The following OXNAD1 variants were observed in gnomAD, a reference collection of about 807,000 sequenced individuals.
OXNAD1 encodes the protein oxidoreductase NAD binding domain containing 1.
In OXNAD1, 34 loss-of-function variants were observed where a neutral mutation model predicts 32.9. The observed-to-expected ratio is 1.03, with a 90% CI of 0.79 to 1.38. The LOEUF is 1.38. Among genes scored for constraint, OXNAD1 ranks in the 40% most tolerant of loss-of-function variants. The probability of loss-of-function intolerance (pLI) is 0.00; values close to 1 mark genes in which losing one functional copy is unlikely to be tolerated. For synonymous variants in OXNAD1, 134 were observed against 135.2 expected, an observed-to-expected ratio of 0.99 and a Z score of 0.06; for missense variants, 407 against 379.4, an observed-to-expected ratio of 1.07 and a Z score of -0.60.
In OXNAD1 at chr3:16,303,185, G is replaced by A. The variant is rs192394332; in HGVS notation, c.785-223G>A. The stretch of plus-strand genomic sequence containing the variant: ...TGGCCCTTTCTGCAGAGTGCATTAC[G>A]ATGAGCTTCCCACTTTGCTTGCTTA... On this transcript the variant is annotated intron_variant, in intron 8 of 8. Coordinates refer to ENST00000285083, the MANE Select transcript of OXNAD1 (RefSeq NM_138381.5). The surrounding 1 kb of genome is among the most constrained non-coding windows in gnomAD (Gnocchi z 4.8). Among the ~76,000 whole-genome samples, 11 of 152,250 alleles carry A rather than the reference G, an allele frequency of 7.2e-5. No individual in the cohort carries two copies. In the East Asian group the frequency reaches 7.7e-4, roughly 11 times the overall value.
In OXNAD1 at chr3:16,314,784, A is replaced by G. The variant is rs2068220261; in HGVS notation, c.*30+11192A>G. The stretch of plus-strand genomic sequence containing the variant: ...AAATGTACCCAAAGCTGAGCAATGT[A>G]AGGCCCTCTAGCCTGGAACCGTTTG... On this transcript the variant is annotated intron_variant, in intron 9 of 9. Coordinates refer to the OXNAD1 transcript ENST00000435829. This position sits in a 1 kb window ranked among gnomAD's most constrained non-coding sequence, Gnocchi z 4.4. 1.3e-5 allele frequency: 2 copies of G among 152,234 alleles called. No homozygotes were observed. Among genetic ancestry groups the G allele is most frequent in the South Asian group, 2.1e-4 (1 of 4,828 alleles). The allele number at this position is 152,234 out of a possible 1,614,324, so 9.4% of individuals were successfully genotyped here. A position where few individuals can be genotyped will look rare whatever the true frequency, so the allele number is the denominator to read the frequency against.
Position 16,269,205 on chromosome 3 carries a change from C to T in OXNAD1, c.-79C>T. On this transcript the variant is annotated 5_prime_UTR_variant, in exon 2 of 9. Coordinates refer to ENST00000285083, the MANE Select transcript of OXNAD1 (RefSeq NM_138381.5). ...ACATCCAAAAGTCTCAGTGTAATAG[C>T]AGGACCAAAATATTCTGTCAATCAG... 1 of 1,533,518 alleles carries T rather than the reference C, an allele frequency of 6.5e-7. No homozygotes were observed. Among genetic ancestry groups the T allele is most frequent in the Non-Finnish European group, 8.7e-7 (1 of 1,146,150 alleles). 95.0% of individuals were successfully genotyped at this position (1,533,518 alleles called of 1,614,324 possible). A position where few individuals can be genotyped will look rare whatever the true frequency, so the allele number is the denominator to read the frequency against.
In OXNAD1 at chr3:16,302,387, A is replaced by G. The variant is rs2067245691; in HGVS notation, c.676-253A>G. 6.6e-6 allele frequency among the ~76,000 whole-genome samples: 1 copy of G among 152,230 alleles called. No individual in the cohort carries two copies. Among genetic ancestry groups the G allele is most frequent in the South Asian group, 2.1e-4 (1 of 4,834 alleles). The stretch of plus-strand genomic sequence containing the variant: ...TGCTGCTTAATTGCCAATGCTTGAG[A>G]AAAAGGAAAAAGAAAAAACTCCCGG... On this transcript the variant is annotated intron_variant, in intron 7 of 8. Coordinates refer to ENST00000285083, the MANE Select transcript of OXNAD1 (RefSeq NM_138381.5). This position sits in a 1 kb window ranked among gnomAD's most constrained non-coding sequence, Gnocchi z 4.2.
chr3:16,326,539 A>T (rs2069710972), intron 9 of OXNAD1, among the ~76,000 whole-genome samples: 1 of 152,194 alleles, frequency 6.6e-6, no homozygotes, highest in Non-Finnish European at 1.5e-5. Context: ...CATTCTGGGC[A>T]GTAATGACTC....
At position 16,329,268 on chromosome 3, in the gene OXNAD1, T is replaced by G. The variant is rs149090257; in HGVS notation, c.*31-7844T>G. ...CCAGGACCAGGAGCCAAGAACTGTCTGTCCTTTATAAATTGCCTGATCTCA... is the reference window on the plus strand; with the variant it reads ...CCAGGACCAGGAGCCAAGAACTGTCGGTCCTTTATAAATTGCCTGATCTCA... On this transcript the variant is annotated intron_variant, in intron 9 of 9. Transcript: ENST00000435829. The surrounding 1 kb of genome is among the most constrained non-coding windows in gnomAD (Gnocchi z 4.5). 6.6e-6 allele frequency among the ~76,000 whole-genome samples: 1 copy of G among 152,204 alleles called. No individual in the cohort carries two copies. The highest frequency in any genetic ancestry group is 6.5e-5 in the Admixed American group (1 of 15,282).
rs1045628947 is a variant in OXNAD1 at position 16,299,643 on chromosome 3, A to G, written c.433-1983A>G. Reference sequence around the variant, plus strand: ...CAGAGACCAAATTAAATTCATGTCCAGAAGTACCTACTGCTCACCTGACAT... The same window carrying G: ...CAGAGACCAAATTAAATTCATGTCCGGAAGTACCTACTGCTCACCTGACAT... On this transcript the variant is annotated intron_variant, in intron 6 of 8. Transcript: ENST00000285083. This position sits in a 1 kb window ranked among gnomAD's most constrained non-coding sequence, Gnocchi z 4.4. 2.0e-5 allele frequency among the ~76,000 whole-genome samples: 3 copies of G among 152,230 alleles called. No individual in the cohort carries two copies. Among genetic ancestry groups the G allele is most frequent in the Non-Finnish European group, 2.9e-5 (2 of 68,038 alleles).
Position 16,303,860 on chromosome 3 carries a change from CA to C in OXNAD1, c.*306del, listed in dbSNP as rs1015906101. 72 of 196,890 alleles carry C rather than the reference CA, an allele frequency of 3.7e-4. No individual in the cohort carries two copies. Among genetic ancestry groups the C allele is most frequent in the Middle Eastern group, 3.7e-3 (2 of 546 alleles). 12.2% of individuals were successfully genotyped at this position (196,890 alleles called of 1,614,324 possible). A position where few individuals can be genotyped will look rare whatever the true frequency, so the allele number is the denominator to read the frequency against. ...TATAGATTTTTCTTTTGTCTTTAGG[CA>C]AAAAAAAGATATATACTTATGTCTA... On this transcript the variant is annotated 3_prime_UTR_variant, in exon 9 of 9. Coordinates refer to ENST00000285083, the MANE Select transcript of OXNAD1 (RefSeq NM_138381.5). This position sits in a 1 kb window ranked among gnomAD's most constrained non-coding sequence, Gnocchi z 4.8.
intron 4 of OXNAD1, among the ~76,000 whole-genome samples, chr3:16,283,014 G>T (rs1365496244): frequency 6.6e-6 from 1 of 151,996 alleles, no homozygotes; most frequent in Non-Finnish European, 1.5e-5. Context: ...GTGATGGCAA[G>T]TAGGCAAGGG....
chr3:16,316,946 G>C lies in OXNAD1; in HGVS notation c.*30+13354G>C, dbSNP rs1348553926. 6.2e-7 allele frequency: 1 copy of C among 1,613,896 alleles called. No individual in the cohort carries two copies. The highest frequency in any genetic ancestry group is 2.2e-5 in the East Asian group (1 of 44,842). On this transcript the variant is annotated intron_variant, in intron 9 of 9. Coordinates refer to the OXNAD1 transcript ENST00000435829. The surrounding 1 kb of genome is among the most constrained non-coding windows in gnomAD (Gnocchi z 4.5). ...CACCAGGGCCCTGCTGTGGCTGGCA[G>C]GACCATTCTGCACAGCCTCACCCTC...
intron 9 of OXNAD1, among the ~76,000 whole-genome samples, chr3:16,324,684 G>GTGTGTA: frequency 1.8e-5 from 2 of 112,038 alleles, no homozygotes; most frequent in South Asian, 6.0e-4. Context: ...GTGTGTGTGT[G>GTGTGTA]TATTTTATAT....
Position 16,345,786 on chromosome 3 carries a change from C to CTGTGTG in OXNAD1, c.*31-3389_*31-3388insGTGTGT, listed in dbSNP as rs1553726059. On this transcript the variant is annotated intron_variant, in intron 9 of 9. Coordinates refer to the OXNAD1 transcript ENST00000606098. This position sits in a 1 kb window ranked among gnomAD's most constrained non-coding sequence, Gnocchi z 5.2. ...CATGAGCCAAAACCTTATAATAAAT[C>CTGTGTG]TCTGTGTGTGTGTGTGTGTGTGTGT... Among the ~76,000 whole-genome samples the CTGTGTG allele has an allele frequency of 9.8e-5, 8 of 81,550 alleles. No individual in the cohort carries two copies. Among genetic ancestry groups the CTGTGTG allele is most frequent in the African/African-American group, 3.2e-4 (6 of 18,504 alleles). The allele number at this position is 81,550 out of a possible 152,430, so 53.5% of individuals were successfully genotyped here.
downstream of OXNAD1, among the ~76,000 whole-genome samples, chr3:16,351,706 T>G (rs1415078594): frequency 6.6e-6 from 1 of 152,198 alleles, no homozygotes; most frequent in African/African-American, 2.4e-5. This position sits in a 1 kb window ranked among gnomAD's most constrained non-coding sequence, Gnocchi z 5.4. Flanking sequence ...CCCATTATCC[T>G]AATTACATGT....
chr3:16,285,623 A>G (rs1414780275), intron 4 of OXNAD1, among the ~76,000 whole-genome samples: 1 of 152,252 alleles, frequency 6.6e-6, no homozygotes, highest in East Asian at 1.9e-4. Context: ...AACCTATTCA[A>G]GGCTTTCCAG....
downstream of OXNAD1, among the ~76,000 whole-genome samples, chr3:16,341,213 A>C (rs745897543): frequency 1.2e-4 from 18 of 152,240 alleles, no homozygotes; most frequent in Non-Finnish European, 2.2e-4. This position sits in a 1 kb window ranked among gnomAD's most constrained non-coding sequence, Gnocchi z 4.7. Flanking sequence ...GTGGGGACGC[A>C]AAATAGTACA....
chr3:16,285,742 T>TA (rs2066031501), intron 4 of OXNAD1, among the ~76,000 whole-genome samples: 1 of 152,198 alleles, frequency 6.6e-6, no homozygotes, highest in African/African-American at 2.4e-5. Flanking sequence ...TATCGTGTGA[T>TA]AAAAAATGAA....
exon 10 of OXNAD1, chr3:16,349,327 G>C (rs2071937849): frequency 6.6e-6 from 1 of 152,232 alleles, no homozygotes; most frequent in South Asian, 2.1e-4. Context: ...AGGCAACTAA[G>C]GAAAACCACT....
Position 16,317,210 on chromosome 3 carries a change from T to C in OXNAD1, c.*30+13618T>C, listed in dbSNP as rs765074785. On this transcript the variant is annotated intron_variant, in intron 9 of 9. Transcript: ENST00000435829. This position sits in a 1 kb window ranked among gnomAD's most constrained non-coding sequence, Gnocchi z 4.3. ...CCTCATCTGCCTGTTGTGCATTTCTTCTCTGGAGAATCGCCACTGAAACTA... is the reference window on the plus strand; with the variant it reads ...CCTCATCTGCCTGTTGTGCATTTCTCCTCTGGAGAATCGCCACTGAAACTA... 3 of 1,613,002 alleles carry C rather than the reference T, an allele frequency of 1.9e-6. No homozygotes were observed. The highest frequency in any genetic ancestry group is 2.5e-6 in the Non-Finnish European group (3 of 1,179,968).
chr3:16,278,799 G>T (rs2065538276), intron 4 of OXNAD1, among the ~76,000 whole-genome samples: 1 of 152,202 alleles, frequency 6.6e-6, no homozygotes, highest in African/African-American at 2.4e-5. Flanking sequence ...AAATGGCTGG[G>T]CCCCTGGGGC....
At chr3:16,340,860 AT>A (rs2071271703), downstream of OXNAD1, among the ~76,000 whole-genome samples, 1 of 152,204 alleles carries the variant, frequency 6.6e-6, no homozygotes, top group African/African-American at 2.4e-5. Flanking sequence ...CCTCAAGAGA[AT>A]GAGAAGACAA....
Sources: allele counts gnomAD v4.1 joint callset (sites outside exome capture counted in the v4.1 genomes callset), GRCh38; gene constraint gnomAD v4.1.1; non-coding constraint Gnocchi (gnomAD v3.1); transcripts MANE v1.5; gene names NCBI Gene and HGNC (gene_info 2026-07-23, HGNC 2026-07-21).